GALNT5: variants seen among roughly 807,000 people sequenced by gnomAD.
GALNT5 encodes polypeptide N-acetylgalactosaminyltransferase 5.
In GALNT5, 72 loss-of-function variants were observed where a neutral mutation model predicts 85.4. The ratio of observed to expected loss-of-function variants is 0.84; its 90% CI spans 0.70 to 1.03. GALNT5 has a LOEUF of 1.03. GALNT5 is among the 50% of genes least tolerant of loss of function. The pLI is 0.00. For synonymous variants in GALNT5, 404 were observed against 397.0 expected (o/e 1.02, Z -0.21); for missense variants, 1,137 against 1,135.5 (o/e 1.00, Z -0.02).
At position 157,314,237 on chromosome 2, in the gene GALNT5, A is replaced by T. The variant is rs1683645897; in HGVS notation, c.*2889A>T. The T allele has an allele frequency of 6.6e-6, 1 of 151,480 alleles. No homozygotes were observed. Among genetic ancestry groups the T allele is most frequent in the African/African-American group, 2.4e-5 (1 of 41,204 alleles). 9.4% of individuals were successfully genotyped at this position (151,480 alleles called of 1,614,324 possible). On this transcript the variant is annotated 3_prime_UTR_variant, in exon 10 of 10. Transcript: ENST00000259056. ...AAAAAAAAAAAAAAAAAGTCTATGC[A>T]TCTTGTTACCTTGAATACAAGGGTG...
intron 1 of GALNT5, among the ~76,000 whole-genome samples, chr2:157,265,440 C>A (rs1205250178): frequency 6.6e-6 from 1 of 152,172 alleles, no homozygotes; most frequent in Non-Finnish European, 1.5e-5. Flanking sequence ...AAGAAAACAG[C>A]TAAACAGTGC....
At chr2:157,287,576 A>G (rs1683008339) in intron 3 of GALNT5, among the ~76,000 whole-genome samples, 1 of 152,100 alleles carries the variant, frequency 6.6e-6, no homozygotes, top group African/African-American at 2.4e-5. Context: ...GACCTGACCC[A>G]TCAATATTTC....
In GALNT5 at chr2:157,314,608, G is replaced by C. The variant is rs1346017427; in HGVS notation, c.*3260G>C. 6.6e-6 allele frequency among the ~76,000 whole-genome samples: 1 copy of C among 152,176 alleles called. No individual in the cohort carries two copies. Among genetic ancestry groups the C allele is most frequent in the Non-Finnish European group, 1.5e-5 (1 of 68,034 alleles). On this transcript the variant is annotated 3_prime_UTR_variant, in exon 10 of 10. Transcript: ENST00000259056. ...TAGTTTGGGACTGCAGAGGGGCAAA[G>C]ATACCATTTACAGTATATAGGAGTC...
At position 157,259,015 on chromosome 2, in the gene GALNT5, T is replaced by C. The variant is rs760655456; in HGVS notation, c.933T>C (p.His311=). 5.4e-6 allele frequency: 8 copies of C among 1,478,384 alleles called. No individual in the cohort carries two copies. The South Asian group carries it at 1.1e-4, about 20-fold the overall frequency. 91.6% of individuals were successfully genotyped at this position (1,478,384 alleles called of 1,614,324 possible). A position where few individuals can be genotyped will look rare whatever the true frequency, so the allele number is the denominator to read the frequency against. ...LSKDDGARGA[H]GKKLNFSESH... ...AGGATGATGGAGCTAGAGGGGCTCA[T>C]GGGAAGAAACTCAATTTCTCTGAAA... Residue 311 remains histidine (H), a synonymous_variant, in exon 1 of 10, where the codon CAT becomes CAC. Coordinates refer to ENST00000259056, the MANE Select transcript of GALNT5 (RefSeq NM_014568.3).
At chr2:157,297,974 T>C (rs982933805) in intron 5 of GALNT5, among the ~76,000 whole-genome samples, 8 of 152,224 alleles carry the variant, frequency 5.3e-5, no homozygotes, top group African/African-American at 1.9e-4. Context: ...CCTCTGTTTT[T>C]TTATTTTTAC....
chr2:157,280,881 C>T (rs1682841229), intron 1 of GALNT5, among the ~76,000 whole-genome samples: 1 of 152,092 alleles, frequency 6.6e-6, no homozygotes, highest in Admixed American at 6.6e-5. Flanking sequence ...CTGTCTCTTG[C>T]TTGCTCTGTC....
At chr2:157,269,351 C>A (rs566964009) in intron 1 of GALNT5, among the ~76,000 whole-genome samples, 1 of 152,272 alleles carries the variant, frequency 6.6e-6, no homozygotes, top group African/African-American at 2.4e-5. Context: ...TCAAGGCACA[C>A]CCTGAAACTT....
intron 1 of GALNT5, among the ~76,000 whole-genome samples, chr2:157,266,963 A>C (rs1682470026): frequency 6.6e-6 from 1 of 152,250 alleles, no homozygotes; most frequent in African/African-American, 2.4e-5. Context: ...GTGATTCTTT[A>C]AAACTTGGCC....
At chr2:157,293,314 C>T (rs548992100) in intron 3 of GALNT5, among the ~76,000 whole-genome samples, 1 of 152,272 alleles carries the variant, frequency 6.6e-6, no homozygotes, top group African/African-American at 2.4e-5. Flanking sequence ...AAAGGCGGCA[C>T]CTTGTTACTG....
rs72918725 is a variant in GALNT5 at position 157,290,450 on chromosome 2, G to T, written c.1741+4316G>T. 8.5e-3 allele frequency among the ~76,000 whole-genome samples: 1,289 copies of T among 152,214 alleles called. 8 individuals carry two copies. Among genetic ancestry groups the T allele is most frequent in the Non-Finnish European group, 0.014 (943 of 68,004 alleles). ...GTTTTAGCAGAGAATGTAATTCAGA[G>T]ACTGGCATTGAGCAGAGATGGCAGG... On this transcript the variant is annotated intron_variant, in intron 3 of 9. Coordinates refer to ENST00000259056, the MANE Select transcript of GALNT5 (RefSeq NM_014568.3).
intron 1 of GALNT5, among the ~76,000 whole-genome samples, chr2:157,269,919 G>A (rs563618067): frequency 1.4e-4 from 22 of 151,918 alleles, no homozygotes; most frequent in East Asian, 3.9e-4. Flanking sequence ...GGTTTATGCC[G>A]AATTTGTGTA....
chr2:157,259,682 C>G, intron 1 of GALNT5, 146 bp downstream of exon 1: 2 of 575,994 alleles, frequency 3.5e-6, no homozygotes, highest in Non-Finnish European at 5.4e-6. Context: ...TCAAATATTT[C>G]ACCAGCTACA....
At chr2:157,303,320 C>T (rs577097131) in intron 7 of GALNT5, among the ~76,000 whole-genome samples, 94 of 152,080 alleles carry the variant, frequency 6.2e-4, no homozygotes, top group African/African-American at 1.7e-3. Context: ...CTTATTGAAA[C>T]GACAACATTT....
chr2:157,312,568 A>G lies in GALNT5; in HGVS notation c.*1220A>G, dbSNP rs1471339937. 6.6e-6 allele frequency: 1 copy of G among 152,172 alleles called. No homozygotes were observed. The highest frequency in any genetic ancestry group is 2.4e-5 in the African/African-American group (1 of 41,454). 9.4% of individuals were successfully genotyped at this position (152,172 alleles called of 1,614,324 possible). A position where few individuals can be genotyped will look rare whatever the true frequency, so the allele number is the denominator to read the frequency against. On this transcript the variant is annotated 3_prime_UTR_variant, in exon 10 of 10. Transcript: ENST00000259056. Reference sequence around the variant, plus strand: ...CTGATTTCATCCAAATAAAGCCTCTAATCTTAAGCATACCAATACTTTGGC... The same window carrying G: ...CTGATTTCATCCAAATAAAGCCTCTGATCTTAAGCATACCAATACTTTGGC...
intron 3 of GALNT5, among the ~76,000 whole-genome samples, chr2:157,294,406 A>C (rs1439823577): frequency 6.6e-6 from 1 of 152,200 alleles, no homozygotes; most frequent in African/African-American, 2.4e-5. Context: ...AGAAAGCGAA[A>C]GGCTAGGAGT....
chr2:157,284,535 G>A, intron 2 of GALNT5, 87 bp downstream of exon 2: 2 of 915,256 alleles, frequency 2.2e-6, no homozygotes, highest in Non-Finnish European at 3.5e-6. Flanking sequence ...AAAATTATAG[G>A]ATAATTTGAT....
chr2:157,300,622 G>T (rs187875740), intron 6 of GALNT5, 54 bp from the exon 7 acceptor site: 6 of 1,379,294 alleles, frequency 4.4e-6, no homozygotes, highest in Non-Finnish European at 4.1e-6. Flanking sequence ...GTTAAGTGCC[G>T]ATGATTTGTG....
intron 9 of GALNT5, 21 bp from the exon 10 acceptor site, chr2:157,311,187 C>T: frequency 1.3e-6 from 2 of 1,595,432 alleles, no homozygotes; most frequent in East Asian, 2.3e-5. Flanking sequence ...TGGCTCATTC[C>T]CAGCTCTTCT....
chr2:157,280,363 G>A (rs1682829198), intron 1 of GALNT5, among the ~76,000 whole-genome samples: 1 of 152,182 alleles, frequency 6.6e-6, no homozygotes, highest in African/African-American at 2.4e-5. Context: ...GAGAGACACA[G>A]AGGAGAAAGT....
Sources: allele counts gnomAD v4.1 joint callset (sites outside exome capture counted in the v4.1 genomes callset), GRCh38; gene constraint gnomAD v4.1.1; transcripts MANE v1.5; gene names NCBI Gene and HGNC (gene_info 2026-07-23, HGNC 2026-07-21).